METTL24: variants seen among roughly 807,000 people sequenced by gnomAD.
The protein encoded by METTL24 is probable methyltransferase-like protein 24.
A neutral mutation model predicts 32.7 loss-of-function variants in METTL24; 29 were observed. The ratio of observed to expected loss-of-function variants is 0.89; its 90% CI spans 0.66 to 1.21. METTL24 has a LOEUF of 1.21. Among genes scored for constraint, METTL24 ranks in the 50% most tolerant of loss-of-function variants. The pLI, the probability that METTL24 is intolerant of heterozygous loss-of-function variation, is 0.00. For synonymous variants in METTL24, 163 were observed against 179.5 expected, an observed-to-expected ratio of 0.91 and a Z score of 0.73; for missense variants, 439 against 468.1, an observed-to-expected ratio of 0.94 and a Z score of 0.57.
chr6:110,340,387 A>G (rs1041833093), intron 1 of METTL24, among the ~76,000 whole-genome samples: 4 of 152,186 alleles, frequency 2.6e-5, no homozygotes, highest in Non-Finnish European at 5.9e-5. Flanking sequence ...GATGAACACC[A>G]GTTACTGAAC....
chr6:110,301,071 C>T (rs1427685090), intron 3 of METTL24, among the ~76,000 whole-genome samples: 1 of 152,116 alleles, frequency 6.6e-6, no homozygotes, highest in Non-Finnish European at 1.5e-5. Context: ...TCTTATTTGC[C>T]TCTTCCTCAC....
intron 3 of METTL24, among the ~76,000 whole-genome samples, chr6:110,312,431 C>T (rs1771739460): frequency 6.6e-6 from 1 of 152,112 alleles, no homozygotes; most frequent in Non-Finnish European, 1.5e-5. Flanking sequence ...TTCACAATAA[C>T]TAAGACATGG....
At position 110,322,777 on chromosome 6, in the gene METTL24, G is replaced by A; in HGVS notation, c.414C>T (p.Thr138=). The change falls in exon 2 of 5, where the codon ACC becomes ACT. Residue 138 remains threonine (T), a synonymous_variant. Transcript: ENST00000338882. ...AWRFLRYIST[T]QIACNHMNTD... ...TTCTTTGAGCCTGAAACACAACCTGGGTGGTGCTGATATATCTCAGGAACC... is the reference window on the plus strand; with the variant it reads ...TTCTTTGAGCCTGAAACACAACCTGAGTGGTGCTGATATATCTCAGGAACC... 5.0e-6 allele frequency: 8 copies of A among 1,612,050 alleles called. No homozygotes were observed. The highest frequency in any genetic ancestry group is 6.8e-6 in the Non-Finnish European group (8 of 1,178,616).
intron 4 of METTL24, among the ~76,000 whole-genome samples, chr6:110,292,982 T>C (rs867527787): frequency 2.6e-5 from 4 of 152,014 alleles, no homozygotes; most frequent in Admixed American, 2.0e-4. Flanking sequence ...ATAGTACCAT[T>C]TTTATTATTA....
At chr6:110,254,191 G>A (rs1778338387) in intron 4 of METTL24, 1 of 342,634 alleles carries the variant, frequency 2.9e-6, no homozygotes, top group African/African-American at 2.1e-5. Context: ...ACAAACTGAT[G>A]TTATCAACAA....
intron 3 of METTL24, among the ~76,000 whole-genome samples, chr6:110,304,432 G>T (rs1210466641): frequency 6.6e-6 from 1 of 152,160 alleles, no homozygotes; most frequent in East Asian, 1.9e-4. Flanking sequence ...TAAAAGGTTA[G>T]AAGAATTGCT....
intron 4 of METTL24, among the ~76,000 whole-genome samples, chr6:110,254,462 T>C (rs1215831992): frequency 6.6e-6 from 1 of 152,032 alleles, no homozygotes; most frequent in African/African-American, 2.4e-5. Context: ...CAAAATGCTG[T>C]CTCTACTAAA....
chr6:110,338,817 T>C lies in METTL24; in HGVS notation c.319-15945A>G, dbSNP rs79074961. The stretch of plus-strand genomic sequence containing the variant: ...GCACTGAGCTAATTAGTCTATAATA[T>C]TGAAAGTTAGCTTTCGTAATTCCAA... On this transcript the variant is annotated intron_variant, in intron 1 of 4. Coordinates refer to ENST00000338882, the MANE Select transcript of METTL24 (RefSeq NM_001123364.3). Among the ~76,000 whole-genome samples, 794 of 152,336 alleles carry C rather than the reference T, an allele frequency of 5.2e-3. 26 individuals are homozygous for C. The East Asian group carries it at 0.074, about 14-fold the overall frequency.
intron 1 of METTL24, among the ~76,000 whole-genome samples, chr6:110,338,267 TG>T (rs1417559399): frequency 6.6e-6 from 1 of 152,124 alleles, no homozygotes; most frequent in Non-Finnish European, 1.5e-5. Flanking sequence ...GAGGCTGAGG[TG>T]GGTGGATCAC....
intron 4 of METTL24, among the ~76,000 whole-genome samples, chr6:110,276,328 A>G (rs1446568775): frequency 6.6e-6 from 1 of 152,114 alleles, no homozygotes; most frequent in Non-Finnish European, 1.5e-5. Flanking sequence ...GTATGTACCT[A>G]TAGTCCCAGC....
intron 1 of METTL24, among the ~76,000 whole-genome samples, chr6:110,342,683 T>A (rs1050831321): frequency 2.6e-5 from 4 of 152,038 alleles, no homozygotes. Context: ...AAAAAGAAAC[T>A]CCTTTCCTAG....
At chr6:110,357,912 G>C in intron 1 of METTL24, 43 bp downstream of exon 1, 1 of 1,138,148 alleles carries the variant, frequency 8.8e-7, no homozygotes, top group East Asian at 3.7e-5. Flanking sequence ...GTCGGGAGGG[G>C]GCTTCTGGTC....
At chr6:110,353,013 C>T (rs917334680) in intron 1 of METTL24, among the ~76,000 whole-genome samples, 1 of 152,202 alleles carries the variant, frequency 6.6e-6, no homozygotes, top group East Asian at 1.9e-4. Flanking sequence ...GAAAAACAAT[C>T]GAGCCTCCAT....
Position 110,258,898 on chromosome 6 carries a change from T to TG in METTL24, c.787-12639dup, listed in dbSNP as rs1778436008. ...TGCAACTCTAAGTCTTCATTCTCCTTGGAAGTTAAGGGCTAGCTAGGTAAA... is the reference window on the plus strand; with the variant it reads ...TGCAACTCTAAGTCTTCATTCTCCTTGGGAAGTTAAGGGCTAGCTAGGTAAA... On this transcript the variant is annotated intron_variant, in intron 4 of 4. Transcript: ENST00000338882. Among the ~76,000 whole-genome samples, 3 of 151,972 alleles carry TG rather than the reference T, an allele frequency of 2.0e-5. No individual in the cohort carries two copies. In the South Asian group the frequency reaches 6.2e-4, roughly 32 times the overall value.
chr6:110,276,446 G>C (rs1771048957), intron 4 of METTL24, among the ~76,000 whole-genome samples: 1 of 152,122 alleles, frequency 6.6e-6, no homozygotes, highest in African/African-American at 2.4e-5. Flanking sequence ...GTGAGGCTGT[G>C]TCTTAAAAAC....
intron 4 of METTL24, among the ~76,000 whole-genome samples, chr6:110,269,574 A>G (rs2114707574): frequency 6.6e-6 from 1 of 152,314 alleles, no homozygotes; most frequent in African/African-American, 2.4e-5. Flanking sequence ...ATGAGAGCTG[A>G]TCTTTCTTCC....
intron 1 of METTL24, among the ~76,000 whole-genome samples, chr6:110,350,762 C>CAAAATAAAATAAAATAAAAT (rs57785468): frequency 0.023 from 2,723 of 115,930 alleles, 70 homozygotes; most frequent in Middle Eastern, 0.036. Flanking sequence ...CCTGTCTCAA[C>CAAAATAAAATAAAATAAAAT]AAAATAAAAT....
chr6:110,346,636 C>CT (rs1772481628), intron 1 of METTL24, among the ~76,000 whole-genome samples: 1 of 152,036 alleles, frequency 6.6e-6, no homozygotes, highest in Non-Finnish European at 1.5e-5. Flanking sequence ...TCCCAAGTAG[C>CT]TGGGATTACA....
chr6:110,287,759 C>T (rs1582402762), intron 4 of METTL24, among the ~76,000 whole-genome samples: 1 of 152,156 alleles, frequency 6.6e-6, no homozygotes, highest in South Asian at 2.1e-4. Context: ...CAACATGTAT[C>T]CTGTATAGTT....
Sources: gnomAD v4.1 joint callset for allele counts (sites outside exome capture counted in the v4.1 genomes callset) on GRCh38, gnomAD v4.1.1 for gene constraint, MANE v1.5 for transcripts, NCBI Gene and HGNC (gene_info 2026-07-23, HGNC 2026-07-21) for gene names.